Variants in TP63 observed in about 807,000 individuals in gnomAD.
The protein encoded by TP63 is tumor protein p63.
TP63 carries 17 observed loss-of-function variants against 82.8 expected under a neutral mutation model. The observed-to-expected ratio is 0.21, with a 90% CI of 0.14 to 0.31. The LOEUF (loss-of-function observed/expected upper bound fraction) is 0.31, where lower values mean the gene tolerates loss of function less well. Ranked by LOEUF, TP63 falls within the 10% of genes least tolerant of loss-of-function variation. The pLI is 1.00. For missense variants in TP63, 648 were observed against 895.3 expected, an observed-to-expected ratio of 0.72 and a Z score of 3.52; for synonymous variants, 330 against 321.7, an observed-to-expected ratio of 1.03 and a Z score of -0.28.
intron 3 of TP63, among the ~76,000 whole-genome samples, chr3:189,771,366 A>ATAT (rs1224699124): frequency 4.7e-4 from 62 of 131,476 alleles, no homozygotes; most frequent in African/African-American, 1.8e-3. Context: ...AATATATAAT[A>ATAT]TATTCAATAT....
chr3:189,872,061 A>G (rs369025969), intron 9 of TP63, among the ~76,000 whole-genome samples: 7 of 152,200 alleles, frequency 4.6e-5, no homozygotes, highest in South Asian at 4.1e-4. Flanking sequence ...ATTTTAAGGG[A>G]CTCTCTTAAA....
intron 3 of TP63, among the ~76,000 whole-genome samples, chr3:189,786,669 C>G (rs573828585): frequency 2.0e-5 from 3 of 152,072 alleles, no homozygotes; most frequent in Admixed American, 1.3e-4. Context: ...CCATTTTTAC[C>G]CAGGGGGCAG....
the TP63 span, among the ~76,000 whole-genome samples, chr3:189,623,807 G>A: frequency 2.2e-4 from 34 of 152,072 alleles, no homozygotes; most frequent in Non-Finnish European, 4.1e-4. Context: ...TATAATCAGA[G>A]ACCAGACACA....
At chr3:189,706,243 T>C (rs1002629434) in intron 1 of TP63, among the ~76,000 whole-genome samples, 3 of 152,028 alleles carry the variant, frequency 2.0e-5, no homozygotes, top group African/African-American at 7.2e-5. Context: ...AACTTACTTC[T>C]TTTTTTTATT....
rs532888087 is a variant in TP63 at position 189,802,582 on chromosome 3, G to C, written c.325-5690G>C. On this transcript the variant is annotated intron_variant, in intron 3 of 13. Transcript: ENST00000264731. Reference sequence around the variant, plus strand: ...CAGACTTTGGATTATGGTAAACTAAGGTCCACAAGTTGTTCAGCTACCTTG... The same window carrying C: ...CAGACTTTGGATTATGGTAAACTAACGTCCACAAGTTGTTCAGCTACCTTG... Among the ~76,000 whole-genome samples the C allele has an allele frequency of 2.0e-5, 3 of 152,280 alleles. No homozygotes were observed. The South Asian group carries it at 6.2e-4, about 32-fold the overall frequency.
At chr3:189,789,920 C>A in intron 3 of TP63, 13 of 1,348,630 alleles carry the variant, frequency 9.6e-6, no homozygotes, top group Non-Finnish European at 1.3e-5. Context: ...TACGTATTTG[C>A]GGTTCTCGGT....
At chr3:189,672,489 C>A (rs1714974270) in intron 1 of TP63, among the ~76,000 whole-genome samples, 1 of 151,912 alleles carries the variant, frequency 6.6e-6, no homozygotes, top group African/African-American at 2.4e-5. Flanking sequence ...GTAGTCCCAG[C>A]TACTAGGGGA....
chr3:189,893,279 C>T (rs903182274), intron 13 of TP63, among the ~76,000 whole-genome samples: 1 of 152,072 alleles, frequency 6.6e-6, no homozygotes, highest in Non-Finnish European at 1.5e-5. Flanking sequence ...CTCATTTTAC[C>T]AAAGAAGAAA....
chr3:189,629,487 A>G (rs138800191), upstream of TP63, among the ~76,000 whole-genome samples: 418 of 152,320 alleles, frequency 2.7e-3, 3 homozygotes, highest in African/African-American at 9.6e-3. Flanking sequence ...TTGGGAGTCT[A>G]TATCCCTGGA....
intron 3 of TP63, among the ~76,000 whole-genome samples, chr3:189,760,992 G>A (rs1722525087): frequency 1.3e-5 from 2 of 152,186 alleles, no homozygotes; most frequent in Admixed American, 1.3e-4. Context: ...GCCACAGGTA[G>A]AATGGCTGGG....
intron 5 of TP63, 107 bp downstream of exon 5, chr3:189,864,525 T>A: frequency 1.2e-6 from 1 of 854,192 alleles, no homozygotes; most frequent in South Asian, 2.4e-5. Context: ...TGCACTCCGA[T>A]GGCAGATCAG....
In TP63 at chr3:189,651,274, A is replaced by G. The variant is rs139159462; in HGVS notation, c.62+19697A>G. 1.5e-3 allele frequency among the ~76,000 whole-genome samples: 221 copies of G among 147,286 alleles called. 32 individuals are homozygous for G. The highest frequency in any genetic ancestry group is 5.4e-3 in the African/African-American group (213 of 39,358). On this transcript the variant is annotated intron_variant, in intron 1 of 13. Coordinates refer to ENST00000264731, the MANE Select transcript of TP63 (RefSeq NM_003722.5). ...AGAAAAACCTGGCAGAGCCAGGTGC[A>G]GTGGCTCACACCTGTAATCCCAGCA...
chr3:189,609,461 G>A, the TP63 span, among the ~76,000 whole-genome samples: 1 of 151,904 alleles, frequency 6.6e-6, no homozygotes, highest in African/African-American at 2.4e-5. Flanking sequence ...ACATGTCATG[G>A]GGGGTTGTTG....
intron 1 of TP63, chr3:189,645,475 T>A (rs1226236112): frequency 8.5e-6 from 2 of 234,816 alleles, no homozygotes; most frequent in Non-Finnish European, 1.6e-5. Flanking sequence ...TTAAATTTTT[T>A]TTTATTTTTT....
the TP63 span, among the ~76,000 whole-genome samples, chr3:189,614,643 ATC>A: frequency 6.6e-6 from 1 of 152,130 alleles, no homozygotes; most frequent in Non-Finnish European, 1.5e-5. Flanking sequence ...ATTATTTTGT[ATC>A]TCTTGCTTTA....
At chr3:189,666,403 T>A (rs548471381) in intron 1 of TP63, among the ~76,000 whole-genome samples, 2 of 152,216 alleles carry the variant, frequency 1.3e-5, no homozygotes, top group African/African-American at 4.8e-5. Flanking sequence ...AAATAATGAT[T>A]ATATGAAGTT....
At chr3:189,789,810 C>A in intron 3 of TP63, 1 of 1,595,478 alleles carries the variant, frequency 6.3e-7, no homozygotes, top group Non-Finnish European at 8.5e-7. Context: ...CATGTTGTAC[C>A]TGGAAAACAA....
intron 1 of TP63, among the ~76,000 whole-genome samples, chr3:189,716,141 C>A (rs1447316681): frequency 6.6e-6 from 1 of 152,148 alleles, no homozygotes; most frequent in African/African-American, 2.4e-5. Context: ...TGTAATGTGG[C>A]AAAACCACAT....
chr3:189,895,612 TA>T lies in TP63; in HGVS notation c.*1113del, dbSNP rs1721408344. On this transcript the variant is annotated 3_prime_UTR_variant, in exon 14 of 14. Coordinates refer to ENST00000264731, the MANE Select transcript of TP63 (RefSeq NM_003722.5). ...TCATTCAGAAATGTTGAGTCTGTAC[TA>T]AACAGTAAGATATCTCAATGAACCA... 4.4e-6 allele frequency: 1 copy of T among 225,054 alleles called. No individual in the cohort carries two copies. 13.9% of individuals were successfully genotyped at this position (225,054 alleles called of 1,614,324 possible).
Sources: gnomAD v4.1 joint callset for allele counts (sites outside exome capture counted in the v4.1 genomes callset) on GRCh38, gnomAD v4.1.1 for gene constraint, MANE v1.5 for transcripts, NCBI Gene and HGNC (gene_info 2026-07-23, HGNC 2026-07-21) for gene names.